Variants in DENND10 observed in about 807,000 individuals in gnomAD.
DENND10 encodes DENN domain containing 10.
DENND10 carries 24 observed loss-of-function variants against 43.6 expected under a neutral mutation model. That is an observed-to-expected ratio of 0.55 (90% CI 0.40 to 0.77). DENND10 has a LOEUF of 0.77. Among genes scored for constraint, DENND10 ranks in the 30% least tolerant of loss-of-function variants. The pLI is 0.00. For missense variants in DENND10, 303 were observed against 429.9 expected (o/e 0.70, Z 2.61); for synonymous variants, 125 against 157.6 (o/e 0.79, Z 1.55).
At chr10:119,114,690 C>T (rs1342238156) in intron 3 of DENND10, 1 of 152,180 alleles carries the variant, frequency 6.6e-6, no homozygotes, top group Non-Finnish European at 1.5e-5. Flanking sequence ...CTCTCCTGGC[C>T]CAGGGTTGTC....
At chr10:119,135,780 G>A (rs1306418678) in intron 8 of DENND10, among the ~76,000 whole-genome samples, 234 of 19,504 alleles carry the variant, frequency 0.012, 1 homozygote, top group African/African-American at 0.039. Context: ...CTCAGAAAAT[G>A]ACTAAAATTG....
rs1846425283 is a variant in DENND10 at position 119,137,857 on chromosome 10, T to G, written c.*1210T>G. The G allele has an allele frequency of 6.0e-6, 1 of 165,992 alleles. No individual in the cohort carries two copies. The highest frequency in any genetic ancestry group is 2.4e-5 in the African/African-American group (1 of 41,006). 10.3% of individuals were successfully genotyped at this position (165,992 alleles called of 1,614,324 possible). On this transcript the variant is annotated 3_prime_UTR_variant, in exon 9 of 9. Transcript: ENST00000361432. ...AATAATTGAAAATTAAATCTGCACT[T>G]TATGGAAATGAGGAATATTAACATC...
At position 119,111,849 on chromosome 10, in the gene DENND10, G is replaced by A; in HGVS notation, c.253G>A (p.Val85Met). Reference protein sequence around the residue: ...EVPDSSILKKVTHFSIVLTAK... With the variant: ...EVPDSSILKKMTHFSIVLTAK... ...TTTTTTTGTTGTTTCTTTTGAACAG[G>A]TGACTCATTTTTCTATTGTCCTGAC... Residue 85 changes from valine (V) to methionine (M), a missense_variant and splice_region_variant, in exon 3 of 9, where the codon GTG (valine) becomes ATG (methionine). Physicochemically the swap from Val to Met is conservative, Grantham distance 21. Transcript: ENST00000361432. 1 of 1,610,016 alleles carries A rather than the reference G, an allele frequency of 6.2e-7. No homozygotes were observed.
chr10:119,123,251 G>A (rs57834553), intron 5 of DENND10, among the ~76,000 whole-genome samples: 9,646 of 152,188 alleles, frequency 0.063, 821 homozygotes, highest in African/African-American at 0.19. Flanking sequence ...CCTGGGTGAC[G>A]AGTGAAACTC....
At chr10:119,105,427 C>A in intron 1 of DENND10, 2 of 537,640 alleles carry the variant, frequency 3.7e-6, no homozygotes, top group Non-Finnish European at 2.7e-6. Flanking sequence ...GCTGGGACCT[C>A]AGGCGTGCAC....
chr10:119,115,175 TC>T (rs1845188668), intron 3 of DENND10, among the ~76,000 whole-genome samples: 1 of 151,992 alleles, frequency 6.6e-6, no homozygotes, highest in South Asian at 2.1e-4. Context: ...TGCCGCCTCC[TC>T]CTGTTCCCAG....
chr10:119,110,581 C>T (rs753887995), intron 2 of DENND10, among the ~76,000 whole-genome samples: 7 of 152,024 alleles, frequency 4.6e-5, no homozygotes, highest in Admixed American at 1.3e-4. Context: ...CTCAGCCTCC[C>T]GAGTAGCTGG....
At chr10:119,117,012 G>A (rs536898789) in intron 3 of DENND10, among the ~76,000 whole-genome samples, 1 of 152,160 alleles carries the variant, frequency 6.6e-6, no homozygotes, top group East Asian at 1.9e-4. Context: ...TTAATTTAGA[G>A]AGAAATGATG....
Position 119,132,593 on chromosome 10 carries a change from A to C in DENND10, c.881A>C (p.Glu294Ala). 1 of 1,614,054 alleles carries C rather than the reference A, an allele frequency of 6.2e-7. No homozygotes were observed. Among genetic ancestry groups the C allele is most frequent in the African/African-American group, 1.3e-5 (1 of 75,060 alleles). ...VQSAEDPEKS[E>A]SHVIQDIALK... ...TCTGCAGAAGATCCAGAGAAATCAG[A>C]GAGCCACGTTATACAGGTAACTCCC... Residue 294 changes from glutamate to alanine, a missense_variant, in exon 8 of 9, where the codon GAG (glutamate) becomes GCG (alanine). By Grantham distance (107) the Glu-to-Ala change is moderately radical. Transcript: ENST00000361432. This position sits in a 1 kb window ranked among gnomAD's most constrained non-coding sequence, Gnocchi z 4.2.
chr10:119,132,518 C>T lies in DENND10; in HGVS notation c.806C>T (p.Ala269Val). ...TTCACCTTCTTGATCTCACCAGAGG[C>T]CATGGCAATGGGCAAACTGCACAAA... ...EITIAPLAKE[A>V]MAMGKLHKEM... Residue 269 changes from alanine (A) to valine (V), a missense_variant, in exon 8 of 9, where the codon GCC (alanine) becomes GTC (valine). Physicochemically the swap from Ala to Val is moderately conservative, Grantham distance 64. Transcript: ENST00000361432. This position sits in a 1 kb window ranked among gnomAD's most constrained non-coding sequence, Gnocchi z 4.2. 1.2e-6 allele frequency: 2 copies of T among 1,611,860 alleles called. No homozygotes were observed. Among genetic ancestry groups the T allele is most frequent in the African/African-American group, 2.7e-5 (2 of 74,976 alleles).
Position 119,132,826 on chromosome 10 carries a change from G to A in DENND10, c.897+217G>A. On this transcript the variant is annotated intron_variant, in intron 8 of 8. Coordinates refer to ENST00000361432, the MANE Select transcript of DENND10 (RefSeq NM_207009.4). This position sits in a 1 kb window ranked among gnomAD's most constrained non-coding sequence, Gnocchi z 4.2. Reference sequence around the variant, plus strand: ...CTGGGCTCGAGGGCAGGTATACACAGGGGCTGGTGCTGACACCGACCGCTG... The same window carrying A: ...CTGGGCTCGAGGGCAGGTATACACAAGGGCTGGTGCTGACACCGACCGCTG... The A allele has an allele frequency of 3.7e-6, 2 of 547,742 alleles. No homozygotes were observed. The highest frequency in any genetic ancestry group is 6.5e-6 in the Non-Finnish European group (2 of 306,802). 33.9% of individuals were successfully genotyped at this position (547,742 alleles called of 1,614,324 possible). A position where few individuals can be genotyped will look rare whatever the true frequency, so the allele number is the denominator to read the frequency against.
Position 119,109,622 on chromosome 10 carries a change from CT to C in DENND10, c.252+1473del, listed in dbSNP as rs776609518. Among the ~76,000 whole-genome samples, 984 of 140,872 alleles carry C rather than the reference CT, an allele frequency of 7.0e-3. 2 individuals are homozygous for C. Among genetic ancestry groups the C allele is most frequent in the African/African-American group, 0.012 (462 of 38,736 alleles). The allele number at this position is 140,872 out of a possible 152,430, so 92.4% of individuals were successfully genotyped here. A position where few individuals can be genotyped will look rare whatever the true frequency, so the allele number is the denominator to read the frequency against. On this transcript the variant is annotated intron_variant, in intron 2 of 8. Coordinates refer to ENST00000361432, the MANE Select transcript of DENND10 (RefSeq NM_207009.4). Reference sequence around the variant, plus strand: ...CAAAATATAAATTTGCAAGAAGATACTTTTTTTTTTTTTTTACGGGAGTTTT... The same window carrying C: ...CAAAATATAAATTTGCAAGAAGATACTTTTTTTTTTTTTTACGGGAGTTTT...
At chr10:119,123,958 A>G (rs1255976392) in intron 6 of DENND10, among the ~76,000 whole-genome samples, 2 of 150,700 alleles carry the variant, frequency 1.3e-5, no homozygotes, top group Non-Finnish European at 3.0e-5. Context: ...TTGGGAGGCC[A>G]AGGTGGGCAG....
intron 2 of DENND10, 49 bp downstream of exon 2, chr10:119,108,213 G>C (rs375666363): frequency 1.5e-6 from 2 of 1,352,558 alleles, no homozygotes; most frequent in South Asian, 2.4e-5. Flanking sequence ...GGCTGGGCGC[G>C]GTGGCTCATG....
chr10:119,123,875 A>ATTT (rs75237743), intron 6 of DENND10, among the ~76,000 whole-genome samples: 2 of 142,612 alleles, frequency 1.4e-5, no homozygotes, highest in African/African-American at 2.6e-5. Context: ...TTGCCCTTAA[A>ATTT]TTTTTTTTTT....
intron 2 of DENND10, 92 bp from the exon 3 acceptor site, chr10:119,111,757 G>T: frequency 1.0e-6 from 1 of 994,092 alleles, no homozygotes; most frequent in Non-Finnish European, 1.6e-6. Flanking sequence ...ATACTGTTGT[G>T]TCTTATACAA....
At chr10:119,121,540 C>T (rs1845577556) in intron 5 of DENND10, among the ~76,000 whole-genome samples, 1 of 150,976 alleles carries the variant, frequency 6.6e-6, no homozygotes, top group Admixed American at 6.6e-5. Context: ...CTGCAACATC[C>T]ACCTCCCGTG....
intron 4 of DENND10, 126 bp downstream of exon 4, chr10:119,117,793 T>G: frequency 2.3e-6 from 2 of 868,260 alleles, no homozygotes. Context: ...TGGTGAAACC[T>G]CGTCTCCACT....
chr10:119,123,622 T>TTC, intron 6 of DENND10, 53 bp downstream of exon 6: 1 of 1,204,428 alleles, frequency 8.3e-7, no homozygotes, highest in African/African-American at 1.5e-5. Context: ...TTTTTTTTTT[T>TTC]TCCTGAGACG....
Sources: allele counts gnomAD v4.1 joint callset (sites outside exome capture counted in the v4.1 genomes callset), GRCh38; gene constraint gnomAD v4.1.1; non-coding constraint Gnocchi (gnomAD v3.1); transcripts MANE v1.5; gene names NCBI Gene and HGNC (gene_info 2026-07-23, HGNC 2026-07-21).